CARMIL1: variants seen among roughly 807,000 people sequenced by gnomAD.
CARMIL1 encodes the protein F-actin-uncapping protein LRRC16A.
Under a neutral mutation model 177.1 loss-of-function variants are expected in CARMIL1, and 90 were observed. The observed-to-expected ratio is 0.51, with a 90% CI of 0.43 to 0.61. The LOEUF is 0.61. Among genes scored for constraint, CARMIL1 ranks in the 20% least tolerant of loss-of-function variants. CARMIL1 has a pLI of 0.00. For missense variants in CARMIL1, 1,380 were observed against 1,667.0 expected, an observed-to-expected ratio of 0.83 and a Z score of 3.00; for synonymous variants, 577 against 606.2, an observed-to-expected ratio of 0.95 and a Z score of 0.71.
intron 2 of CARMIL1, 139 bp from the exon 3 acceptor site, chr6:25,419,975 C>G (rs577156119): frequency 1.3e-5 from 9 of 687,776 alleles, no homozygotes; most frequent in Non-Finnish European, 1.9e-5. Context: ...TGTCCCAGCT[C>G]GTAATTCTTC....
In CARMIL1 at chr6:25,471,162, G is replaced by GT; in HGVS notation, c.691-5dup. On this transcript the variant is annotated splice_polypyrimidine_tract_variant and splice_region_variant and intron_variant, in intron 9 of 36. Transcript: ENST00000329474. The stretch of plus-strand genomic sequence containing the variant: ...ATGGAATAGTCAAAGAATGTTTTCT[G>GT]TTACAGTCCACTGATGTCTGTGAAC... The GT allele has an allele frequency of 4.4e-6, 7 of 1,585,934 alleles. No homozygotes were observed. The highest frequency in any genetic ancestry group is 6.0e-6 in the Non-Finnish European group (7 of 1,162,206).
At chr6:25,384,356 A>G (rs576800055) in intron 2 of CARMIL1, among the ~76,000 whole-genome samples, 1 of 152,336 alleles carries the variant, frequency 6.6e-6, no homozygotes, top group South Asian at 2.1e-4. Context: ...AATAGCCAGC[A>G]CCTGTGTCAA....
rs561545875 is a variant in CARMIL1 at position 25,532,887 on chromosome 6, G to A, written c.2067+3994G>A. On this transcript the variant is annotated intron_variant, in intron 24 of 36. Coordinates refer to ENST00000329474, the MANE Select transcript of CARMIL1 (RefSeq NM_017640.6). ...TGTTGCAGCTACTCAACTCTGCTGCGATAGAGTGAAAGCCACCATAGACAA... is the reference window on the plus strand; with the variant it reads ...TGTTGCAGCTACTCAACTCTGCTGCAATAGAGTGAAAGCCACCATAGACAA... Among the ~76,000 whole-genome samples, 24 of 152,230 alleles carry A rather than the reference G, an allele frequency of 1.6e-4. No homozygotes were observed. In the South Asian group the frequency reaches 2.3e-3, roughly 15 times the overall value.
chr6:25,473,141 CTGGAGT>C (rs1460833291), intron 11 of CARMIL1, among the ~76,000 whole-genome samples: 2 of 152,202 alleles, frequency 1.3e-5, no homozygotes, highest in Non-Finnish European at 2.9e-5. Flanking sequence ...GTGAGGCCAG[CTGGAGT>C]ACATCTCTCT....
intron 23 of CARMIL1, among the ~76,000 whole-genome samples, chr6:25,522,495 T>G (rs984486541): frequency 3.9e-5 from 6 of 152,206 alleles, no homozygotes; most frequent in Admixed American, 6.5e-5. Flanking sequence ...TTCCTGGTGT[T>G]TGTAAGTTTG....
At chr6:25,411,376 G>T in intron 2 of CARMIL1, among the ~76,000 whole-genome samples, 1 of 152,248 alleles carries the variant, frequency 6.6e-6, no homozygotes, top group East Asian at 1.9e-4. Context: ...ACTTAAAGAT[G>T]CCCATTCATG....
intron 2 of CARMIL1, among the ~76,000 whole-genome samples, chr6:25,325,544 G>A (rs1490605726): frequency 5.9e-5 from 9 of 152,176 alleles, no homozygotes; most frequent in Non-Finnish European, 1.3e-4. Flanking sequence ...TTGGCTTAAA[G>A]GGAATTATTC....
chr6:25,545,008 A>T (rs1250415235), intron 26 of CARMIL1, among the ~76,000 whole-genome samples: 1 of 152,138 alleles, frequency 6.6e-6, no homozygotes, highest in Non-Finnish European at 1.5e-5. Context: ...CATTATGTAC[A>T]TTTCAAGGGA....
chr6:25,289,556 A>G (rs537286291), intron 2 of CARMIL1, among the ~76,000 whole-genome samples: 1 of 152,308 alleles, frequency 6.6e-6, no homozygotes. Flanking sequence ...GCAGATTTCC[A>G]TCACCACAAG....
chr6:25,359,529 A>G (rs1788975274), intron 2 of CARMIL1, among the ~76,000 whole-genome samples: 1 of 152,198 alleles, frequency 6.6e-6, no homozygotes, highest in Non-Finnish European at 1.5e-5. Context: ...GCACACAACC[A>G]CTTGGGTCAG....
chr6:25,552,679 AT>A (rs1810226391), intron 27 of CARMIL1, among the ~76,000 whole-genome samples: 1 of 152,202 alleles, frequency 6.6e-6, no homozygotes, highest in South Asian at 2.1e-4. Context: ...ATATTAAAAA[AT>A]AATTGCGTTT....
intron 29 of CARMIL1, among the ~76,000 whole-genome samples, chr6:25,565,715 C>T (rs953694264): frequency 2.6e-5 from 4 of 152,182 alleles, no homozygotes; most frequent in East Asian, 3.9e-4. Flanking sequence ...CGTGATGGCA[C>T]GTGCCTGTAA....
intron 3 of CARMIL1, among the ~76,000 whole-genome samples, chr6:25,421,021 G>A (rs1399406959): frequency 6.6e-6 from 1 of 152,152 alleles, no homozygotes; most frequent in Non-Finnish European, 1.5e-5. Flanking sequence ...GAGGCCCAAG[G>A]AGGTTCAGTA....
chr6:25,351,340 A>G (rs945077592), intron 2 of CARMIL1, among the ~76,000 whole-genome samples: 12 of 152,342 alleles, frequency 7.9e-5, no homozygotes, highest in Non-Finnish European at 2.9e-5. Flanking sequence ...TCTTTTTAAA[A>G]TATGTGGCTA....
intron 23 of CARMIL1, among the ~76,000 whole-genome samples, chr6:25,526,270 G>A (rs934264092): frequency 6.6e-6 from 1 of 152,098 alleles, no homozygotes; most frequent in Admixed American, 6.5e-5. Flanking sequence ...GTGAACCCGG[G>A]GGGTGGAGCT....
At chr6:25,508,526 G>C (rs1294644037) in intron 17 of CARMIL1, among the ~76,000 whole-genome samples, 1 of 152,118 alleles carries the variant, frequency 6.6e-6, no homozygotes, top group Admixed American at 6.5e-5. Flanking sequence ...GTGAGACGCT[G>C]TCTCAAAAAA....
chr6:25,411,546 C>T (rs1794904431), intron 2 of CARMIL1, among the ~76,000 whole-genome samples: 1 of 152,138 alleles, frequency 6.6e-6, no homozygotes, highest in Non-Finnish European at 1.5e-5. Flanking sequence ...CCTGTGTTCA[C>T]CTGTGGGCGA....
At chr6:25,469,049 T>C (rs1800876231) in intron 9 of CARMIL1, among the ~76,000 whole-genome samples, 1 of 152,194 alleles carries the variant, frequency 6.6e-6, no homozygotes, top group Non-Finnish European at 1.5e-5. Flanking sequence ...TAAAGAATTA[T>C]ACTGATAAGG....
intron 2 of CARMIL1, among the ~76,000 whole-genome samples, chr6:25,285,803 GT>G (rs34610995): frequency 1.7e-4 from 26 of 148,632 alleles, no homozygotes; most frequent in East Asian, 7.8e-4. Context: ...TGTTGTTGCT[GT>G]TTTTTTTTTC....
Sources: gnomAD v4.1 joint callset for allele counts (sites outside exome capture counted in the v4.1 genomes callset) on GRCh38, gnomAD v4.1.1 for gene constraint, MANE v1.5 for transcripts, NCBI Gene and HGNC (gene_info 2026-07-23, HGNC 2026-07-21) for gene names.